YAF2: variants seen among roughly 807,000 people sequenced by gnomAD.
The protein encoded by YAF2 is YY1 associated factor 2, also known as YY1-associated factor 2.
YAF2 carries 7 observed loss-of-function variants against 20.1 expected under a neutral mutation model. That is an observed-to-expected ratio of 0.35 (90% CI 0.20 to 0.65). YAF2 has a LOEUF of 0.65. YAF2 is among the 30% of genes least tolerant of loss of function. The pLI, the probability that YAF2 is intolerant of heterozygous loss-of-function variation, is 0.69. For synonymous variants in YAF2, 74 were observed against 76.0 expected, an observed-to-expected ratio of 0.97 and a Z score of 0.14; for missense variants, 151 against 219.2, an observed-to-expected ratio of 0.69 and a Z score of 1.96.
chr12:42,172,665 T>C (rs866544320), intron 2 of YAF2, among the ~76,000 whole-genome samples: 1 of 152,186 alleles, frequency 6.6e-6, no homozygotes, highest in African/African-American at 2.4e-5. Flanking sequence ...TGAAAACATA[T>C]GTTCACACAA....
chr12:42,210,748 G>T, intron 2 of YAF2: 2 of 1,404,594 alleles, frequency 1.4e-6, no homozygotes, highest in Non-Finnish European at 1.9e-6. Context: ...ACAGAAGAAA[G>T]CATAAATTCA....
intron 2 of YAF2, among the ~76,000 whole-genome samples, chr12:42,196,425 T>C (rs2137130239): frequency 6.6e-6 from 1 of 152,172 alleles, no homozygotes; most frequent in South Asian, 2.1e-4. Context: ...CATGAAACGA[T>C]TTGCAAGCCA....
At chr12:42,213,869 CA>C (rs1177868108) in intron 2 of YAF2, among the ~76,000 whole-genome samples, 1 of 152,098 alleles carries the variant, frequency 6.6e-6, no homozygotes, top group Non-Finnish European at 1.5e-5. Context: ...AAAATTCAAA[CA>C]GGGGTACTAC....
chr12:42,201,606 G>T (rs1221838847), intron 2 of YAF2, among the ~76,000 whole-genome samples: 1 of 152,074 alleles, frequency 6.6e-6, no homozygotes, highest in Admixed American at 6.5e-5. Flanking sequence ...TGTTGTTGTT[G>T]TTGAGCCCAG....
At chr12:42,195,103 T>C (rs1331957727) in intron 2 of YAF2, among the ~76,000 whole-genome samples, 1 of 152,106 alleles carries the variant, frequency 6.6e-6, no homozygotes, top group Non-Finnish European at 1.5e-5. Flanking sequence ...CACAAGCAAT[T>C]AAAGTACATC....
At chr12:42,186,851 G>T (rs76440084) in intron 2 of YAF2, among the ~76,000 whole-genome samples, 105 of 152,308 alleles carry the variant, frequency 6.9e-4, no homozygotes, top group African/African-American at 2.4e-3. Flanking sequence ...ACACCCATCA[G>T]TAGGAAATTA....
chr12:42,203,725 A>G (rs2066962998), intron 2 of YAF2, among the ~76,000 whole-genome samples: 1 of 152,146 alleles, frequency 6.6e-6, no homozygotes, highest in Non-Finnish European at 1.5e-5. Flanking sequence ...TAAAATTTTT[A>G]TGTCTGTGTT....
At chr12:42,170,173 T>C (rs1269238199) in intron 2 of YAF2, among the ~76,000 whole-genome samples, 3 of 152,128 alleles carry the variant, frequency 2.0e-5, no homozygotes, top group Non-Finnish European at 4.4e-5. Context: ...GACCCGGCTA[T>C]GTTATGTGTT....
At chr12:42,238,116 G>C in intron 1 of YAF2, 39 bp downstream of exon 1, 1 of 1,486,532 alleles carries the variant, frequency 6.7e-7, no homozygotes, top group Non-Finnish European at 9.0e-7. Context: ...GGGCCCTGCC[G>C]CCCGCACAGT....
intron 2 of YAF2, among the ~76,000 whole-genome samples, chr12:42,171,585 C>T (rs1249391236): frequency 2.0e-5 from 3 of 152,010 alleles, no homozygotes; most frequent in Non-Finnish European, 1.5e-5. Context: ...TAAGCACTTG[C>T]CTATGATTCT....
At chr12:42,176,492 T>C (rs938486849) in intron 2 of YAF2, among the ~76,000 whole-genome samples, 1 of 152,192 alleles carries the variant, frequency 6.6e-6, no homozygotes. Context: ...TCTCAGTAAC[T>C]AGCACTTCAT....
chr12:42,202,580 T>C (rs1399749182), intron 2 of YAF2, among the ~76,000 whole-genome samples: 2 of 152,244 alleles, frequency 1.3e-5, no homozygotes, highest in Non-Finnish European at 2.9e-5. Flanking sequence ...CATCCCATGT[T>C]ATGCATAACA....
At chr12:42,218,502 C>G (rs1362765770) in intron 2 of YAF2, among the ~76,000 whole-genome samples, 1 of 151,932 alleles carries the variant, frequency 6.6e-6, no homozygotes, top group Non-Finnish European at 1.5e-5. Context: ...TCAAATAAAT[C>G]CCCTTTTTAA....
intron 2 of YAF2, chr12:42,235,217 A>G: frequency 1.0e-6 from 1 of 994,918 alleles, no homozygotes; most frequent in Non-Finnish European, 1.2e-6. Context: ...TCTGCTCTGC[A>G]GCTATCCAGT....
intron 2 of YAF2, chr12:42,235,760 TAA>T (rs761958080): frequency 5.8e-6 from 7 of 1,210,930 alleles, no homozygotes; most frequent in South Asian, 4.4e-5. Context: ...GATGTACTGG[TAA>T]AAAAAAAAAA....
intron 2 of YAF2, chr12:42,234,969 C>G (rs2068100321): frequency 1.0e-6 from 1 of 981,182 alleles, no homozygotes; most frequent in Non-Finnish European, 1.2e-6. Context: ...GCCTGGGCAA[C>G]AGAATGAGAT....
intron 2 of YAF2, chr12:42,235,055 A>G: frequency 2.0e-6 from 2 of 985,522 alleles, no homozygotes; most frequent in East Asian, 2.3e-4. Flanking sequence ...CTGCAGGTCT[A>G]AAAAGAAAAA....
At chr12:42,168,039 T>C (rs550812220) in intron 2 of YAF2, among the ~76,000 whole-genome samples, 1 of 152,320 alleles carries the variant, frequency 6.6e-6, no homozygotes, top group South Asian at 2.1e-4. Flanking sequence ...GTAATATTTA[T>C]GAATAATATA....
chr12:42,219,272 C>T (rs2067447143), intron 2 of YAF2, among the ~76,000 whole-genome samples: 1 of 152,170 alleles, frequency 6.6e-6, no homozygotes, highest in Non-Finnish European at 1.5e-5. Context: ...CAGGTCTCGT[C>T]TACCCCAAAA....
Sources: allele counts gnomAD v4.1 joint callset (sites outside exome capture counted in the v4.1 genomes callset), GRCh38; gene constraint gnomAD v4.1.1; transcripts MANE v1.5; gene names NCBI Gene and HGNC (gene_info 2026-07-23, HGNC 2026-07-21).